Variants in CAMTA1 observed in about 807,000 individuals in gnomAD.
CAMTA1 encodes calmodulin binding transcription activator 1.
CAMTA1 carries 27 observed loss-of-function variants against 170.9 expected under a neutral mutation model. The observed-to-expected ratio is 0.16, with a 90% CI of 0.12 to 0.22. The LOEUF is 0.22. Ranked by LOEUF, CAMTA1 falls within the 10% of genes least tolerant of loss-of-function variation. The probability of loss-of-function intolerance (pLI) is 1.00; values close to 1 mark genes in which losing one functional copy is unlikely to be tolerated. For synonymous variants in CAMTA1, 833 were observed against 891.5 expected (o/e 0.93, Z 1.17); for missense variants, 1,619 against 2,217.2 (o/e 0.73, Z 5.42).
In CAMTA1 at chr1:6,904,565, T is replaced by A. The variant is rs567091121; in HGVS notation, c.234+79355T>A. Among the ~76,000 whole-genome samples, 14 of 149,948 alleles carry A rather than the reference T, an allele frequency of 9.3e-5. No individual in the cohort carries two copies. The South Asian group carries it at 1.1e-3, about 11-fold the overall frequency. On this transcript the variant is annotated intron_variant, in intron 3 of 22. Coordinates refer to ENST00000303635, the MANE Select transcript of CAMTA1 (RefSeq NM_015215.4). ...TTTTCTTTCTTTCTTTTTTTTTTTT[T>A]AATTTTTGAGACAGAGTCTTCCTCT...
At position 7,721,525 on chromosome 1, in the gene CAMTA1, G is replaced by A. The variant is rs2096649467; in HGVS notation, c.2915-10923G>A. ...TTAAGAAGTTCACCAGGTGGATGAG[G>A]AGAAAGGTTGGCCTCGGCAGAGGCC... On this transcript the variant is annotated intron_variant, in intron 11 of 22. Transcript: ENST00000303635. Among the ~76,000 whole-genome samples the A allele has an allele frequency of 1.3e-5, 2 of 152,162 alleles. 1 individual carries two copies. The highest frequency in any genetic ancestry group is 4.1e-4 in the South Asian group (2 of 4,828).
intron 4 of CAMTA1, among the ~76,000 whole-genome samples, chr1:7,134,651 G>T (rs1645445331): frequency 6.6e-6 from 1 of 152,118 alleles, no homozygotes; most frequent in African/African-American, 2.4e-5. Context: ...CACCTAGGCT[G>T]ACTCCATGTC....
At chr1:6,821,963 C>A (rs1429412521) in intron 2 of CAMTA1, among the ~76,000 whole-genome samples, 1 of 152,102 alleles carries the variant, frequency 6.6e-6, no homozygotes, top group Non-Finnish European at 1.5e-5. Context: ...TCAAGCAAAT[C>A]ATCTGTCATT....
intron 5 of CAMTA1, among the ~76,000 whole-genome samples, chr1:7,274,324 G>A (rs549718038): frequency 6.6e-6 from 1 of 152,154 alleles, no homozygotes; most frequent in Non-Finnish European, 1.5e-5. Flanking sequence ...TGATCAAGCA[G>A]AGTAGACTTC....
At chr1:7,735,823 A>G (rs1248290860) in intron 12 of CAMTA1, among the ~76,000 whole-genome samples, 1 of 151,922 alleles carries the variant, frequency 6.6e-6, no homozygotes, top group Non-Finnish European at 1.5e-5. Context: ...CCAGGCTGGA[A>G]TGCAGTGGCG....
chr1:7,152,736 G>GGGT (rs1234118403), intron 4 of CAMTA1, among the ~76,000 whole-genome samples: 2 of 152,224 alleles, frequency 1.3e-5, no homozygotes, highest in Non-Finnish European at 2.9e-5. Context: ...CTGGAAGAGA[G>GGGT]GGTGGGCAGG....
intron 5 of CAMTA1, among the ~76,000 whole-genome samples, chr1:7,464,536 G>A (rs1378176449): frequency 3.3e-5 from 5 of 152,156 alleles, no homozygotes; most frequent in African/African-American, 4.8e-5. Context: ...GAGTGAGGGC[G>A]GTGGTAGCAG....
At chr1:7,079,521 G>C (rs1393995891) in intron 3 of CAMTA1, among the ~76,000 whole-genome samples, 3 of 151,780 alleles carry the variant, frequency 2.0e-5, no homozygotes, top group Non-Finnish European at 4.4e-5. Context: ...CATCCAGGCT[G>C]GAGTGCAGTG....
chr1:7,068,840 A>G (rs570682891), intron 3 of CAMTA1, among the ~76,000 whole-genome samples: 2 of 152,132 alleles, frequency 1.3e-5, no homozygotes, highest in East Asian at 1.9e-4. Context: ...TTCTTATTAC[A>G]TGCTAGCACT....
At chr1:7,339,901 A>G (rs1444458388) in intron 5 of CAMTA1, among the ~76,000 whole-genome samples, 2 of 152,090 alleles carry the variant, frequency 1.3e-5, no homozygotes, top group East Asian at 1.9e-4. Context: ...CCAGCTGATC[A>G]TCTCACTCTC....
At chr1:7,758,925 ACT>A (rs1182629461) in intron 22 of CAMTA1, among the ~76,000 whole-genome samples, 1 of 106,578 alleles carries the variant, frequency 9.4e-6, no homozygotes, top group Non-Finnish European at 1.8e-5. Flanking sequence ...AAAGAGCGAG[ACT>A]CTGTCTCAAA....
chr1:7,576,718 G>A (rs1268171912), intron 6 of CAMTA1, among the ~76,000 whole-genome samples: 1 of 152,170 alleles, frequency 6.6e-6, no homozygotes, highest in Non-Finnish European at 1.5e-5. Context: ...GATGCCACAC[G>A]GTGGAGAGTG....
chr1:7,011,844 A>G (rs1699855818), intron 3 of CAMTA1, among the ~76,000 whole-genome samples: 2 of 152,078 alleles, frequency 1.3e-5, no homozygotes, highest in South Asian at 4.1e-4. Context: ...TGACCTTGCC[A>G]TTCCCAGTAG....
intron 6 of CAMTA1, among the ~76,000 whole-genome samples, chr1:7,487,156 G>A (rs1244466075): frequency 2.0e-5 from 3 of 152,176 alleles, no homozygotes; most frequent in Non-Finnish European, 2.9e-5. Flanking sequence ...CCATCTATGC[G>A]TCTCGTGTTC....
At chr1:7,068,509 T>G (rs1341516145) in intron 3 of CAMTA1, among the ~76,000 whole-genome samples, 1 of 152,140 alleles carries the variant, frequency 6.6e-6, no homozygotes, top group Non-Finnish European at 1.5e-5. Flanking sequence ...GCATGTGCTG[T>G]TGGGCCAGGC....
At chr1:6,845,079 C>T (rs748427591) in intron 3 of CAMTA1, among the ~76,000 whole-genome samples, 7 of 152,164 alleles carry the variant, frequency 4.6e-5, no homozygotes, top group Admixed American at 1.3e-4. Flanking sequence ...AGCACCTGTA[C>T]GGGTGGCTGA....
chr1:7,643,701 A>T (rs79732977), intron 7 of CAMTA1, among the ~76,000 whole-genome samples: 2 of 152,244 alleles, frequency 1.3e-5, no homozygotes, highest in South Asian at 4.1e-4. Flanking sequence ...AACTCCCCAT[A>T]AATCTAATAA....
At chr1:7,464,805 C>G (rs1039504851) in intron 5 of CAMTA1, among the ~76,000 whole-genome samples, 1 of 152,040 alleles carries the variant, frequency 6.6e-6, no homozygotes, top group Non-Finnish European at 1.5e-5. Context: ...TCAGCCCACA[C>G]AGCCACCCGA....
chr1:7,475,627 C>A (rs375522159), intron 6 of CAMTA1, among the ~76,000 whole-genome samples: 15 of 152,210 alleles, frequency 9.9e-5, no homozygotes, highest in Non-Finnish European at 2.2e-4. Context: ...TATACACGCT[C>A]ACCACCGTGC....
Sources: allele counts gnomAD v4.1 joint callset (sites outside exome capture counted in the v4.1 genomes callset), GRCh38; gene constraint gnomAD v4.1.1; transcripts MANE v1.5; gene names NCBI Gene and HGNC (gene_info 2026-07-23, HGNC 2026-07-21).